The following COL18A1 variants were observed in gnomAD, a reference collection of about 807,000 sequenced individuals.
COL18A1 encodes the protein collagen alpha-1(XVIII) chain.
COL18A1 carries 133 observed loss-of-function variants against 168.0 expected under a neutral mutation model. The ratio of observed to expected loss-of-function variants is 0.79; its 90% confidence interval spans 0.69 to 0.91. The LOEUF (loss-of-function observed/expected upper bound fraction) is 0.91. Ranked by LOEUF, COL18A1 falls within the 40% of genes least tolerant of loss-of-function variation. The probability of loss-of-function intolerance (pLI) is 0.00; values close to 1 mark genes in which losing one functional copy is unlikely to be tolerated. For missense variants in COL18A1, 2,126 were observed against 1,925.4 expected, an observed-to-expected ratio of 1.10 and a Z score of -1.95; for synonymous variants, 949 against 809.0, an observed-to-expected ratio of 1.17 and a Z score of -2.94.
intron 6 of COL18A1, 117 bp downstream of exon 6, chr21:45,476,597 A>G: frequency 7.8e-7 from 1 of 1,282,142 alleles, no homozygotes; most frequent in Non-Finnish European, 1.1e-6. Flanking sequence ...TGTGTGGTGT[A>G]TATGGTACAT....
chr21:45,480,224 C>T, intron 11 of COL18A1, 68 bp downstream of exon 11: 9 of 1,153,138 alleles, frequency 7.8e-6, no homozygotes, highest in African/African-American at 1.5e-5. Context: ...CTGCCTCTGG[C>T]CCAGAAGTAT....
At chr21:45,492,293 A>G (rs1055438474) in intron 22 of COL18A1, among the ~76,000 whole-genome samples, 1 of 152,180 alleles carries the variant, frequency 6.6e-6, no homozygotes, top group Non-Finnish European at 1.5e-5. Flanking sequence ...AGGCAGGAGC[A>G]TTTTAAAACA....
At chr21:45,480,023 G>A in intron 10 of COL18A1, 47 bp from the exon 11 acceptor site, 2 of 1,612,858 alleles carry the variant, frequency 1.2e-6, no homozygotes, top group African/African-American at 2.7e-5. Context: ...TCAAGGTGGG[G>A]GCTGTGTGCG....
At chr21:45,496,996 G>A in intron 30 of COL18A1, 54 bp from the exon 31 acceptor site, 1 of 1,299,214 alleles carries the variant, frequency 7.7e-7, no homozygotes, top group Non-Finnish European at 1.1e-6. Flanking sequence ...GAGTGGTGGT[G>A]GCCTCCATTT....
At chr21:45,494,603 G>A in intron 27 of COL18A1, 32 bp downstream of exon 27, 1 of 1,612,782 alleles carries the variant, frequency 6.2e-7, no homozygotes, top group South Asian at 1.1e-5. Context: ...TCTGCACTGA[G>A]CTCGGGCATG....
In COL18A1 at chr21:45,480,116, C is replaced by T; in HGVS notation, c.1358C>T (p.Pro453Leu). The T allele has an allele frequency of 1.2e-6, 2 of 1,603,932 alleles. No homozygotes were observed. The highest frequency in any genetic ancestry group is 1.7e-6 in the Non-Finnish European group (2 of 1,171,148). ...AGAGGGCCCCCAGGACCCCAAGGGC[C>T]TCCAGGGCCCCCAGGACCCTCCTTC... ...GERGPPGPQG[P>L]PGPPGPSFRH... The change falls in exon 11 of 42, where the codon CCT becomes CTT. Residue 453 changes from proline (P) to leucine (L), a missense_variant. By Grantham distance (98) the Pro-to-Leu change is moderately conservative. Transcript: ENST00000651438.
chr21:45,472,430 C>T (rs982930167), intron 3 of COL18A1, among the ~76,000 whole-genome samples: 1 of 152,172 alleles, frequency 6.6e-6, no homozygotes, highest in African/African-American at 2.4e-5. Flanking sequence ...TCCCCATGGT[C>T]TCAATCTCCT....
At position 45,471,262 on chromosome 21, in the gene COL18A1, G is replaced by C. The variant is rs2035420675; in HGVS notation, c.651+2476G>C. 6.6e-6 allele frequency among the ~76,000 whole-genome samples: 1 copy of C among 152,182 alleles called. No individual in the cohort carries two copies. Among genetic ancestry groups the C allele is most frequent in the African/African-American group, 2.4e-5 (1 of 41,448 alleles). ...GGTCCCTGCAGGCCTCAGGTGTCAG[G>C]AACTTTCTCTTTGGGTCTTAGATGA... On this transcript the variant is annotated intron_variant, in intron 3 of 41. Transcript: ENST00000651438. The surrounding 1 kb of genome is among the most constrained non-coding windows in gnomAD (Gnocchi z 4.4).
At chr21:45,416,497 A>G (rs2033449710) in intron 2 of COL18A1, among the ~76,000 whole-genome samples, 1 of 152,072 alleles carries the variant, frequency 6.6e-6, no homozygotes. Context: ...CCAGGCCCCT[A>G]GGTGTTGAAC....
chr21:45,465,120 C>T (rs2035156731), intron 2 of COL18A1, among the ~76,000 whole-genome samples: 1 of 152,244 alleles, frequency 6.6e-6, no homozygotes, highest in African/African-American at 2.4e-5. Context: ...CTCAGCCCTT[C>T]CTGACTGAAG....
In COL18A1 at chr21:45,491,230, T is replaced by G. The variant is rs1222766577; in HGVS notation, c.2073T>G (p.Asp691Glu). ...GDRGSRGEKG[D>E]PGKDGVGQPG... ...CGCGTGGCCTCCTCTTCCAGGGAGA[T>G]CCAGGGAAGGACGGAGTCGGGCAGC... is the stretch of plus-strand genomic sequence containing the variant. Residue 691 changes from aspartate (D) to glutamate (E), a missense_variant, in exon 22 of 42, where the codon GAT becomes GAG. Asp to Glu is a conservative substitution (Grantham distance 45). Transcript: ENST00000651438. 1 of 1,611,802 alleles carries G rather than the reference T, an allele frequency of 6.2e-7. No homozygotes were observed. The highest frequency in any genetic ancestry group is 8.5e-7 in the Non-Finnish European group (1 of 1,179,306).
chr21:45,495,548 CA>C (rs2036500416), intron 29 of COL18A1, 116 bp downstream of exon 29: 1 of 827,176 alleles, frequency 1.2e-6, no homozygotes, highest in African/African-American at 1.7e-5. Flanking sequence ...GCAGCCCTGC[CA>C]TGTGGCCACA....
intron 41 of COL18A1, 29 bp from the exon 42 acceptor site, chr21:45,512,159 T>G (rs2037649562): frequency 3.1e-6 from 5 of 1,597,798 alleles, no homozygotes; most frequent in Non-Finnish European, 3.4e-6. Flanking sequence ...CAGGTCTGGG[T>G]TTGACTGACG....
intron 25 of COL18A1, 62 bp from the exon 26 acceptor site, chr21:45,493,439 C>A: frequency 6.8e-7 from 1 of 1,467,240 alleles, no homozygotes; most frequent in Non-Finnish European, 9.3e-7. Context: ...CTTCGGGGCT[C>A]TGGGTGAGGC....
intron 32 of COL18A1, chr21:45,502,760 C>G (rs1295690034): frequency 6.6e-6 from 1 of 152,198 alleles, no homozygotes; most frequent in Non-Finnish European, 1.5e-5. Flanking sequence ...AAGTCAGGGC[C>G]AAGACACAGC....
At chr21:45,479,288 C>T (rs565930916) in intron 9 of COL18A1, among the ~76,000 whole-genome samples, 1 of 145,846 alleles carries the variant, frequency 6.9e-6, no homozygotes, top group South Asian at 2.2e-4. Context: ...ACACACATTA[C>T]ACACATGTGT....
Position 45,505,424 on chromosome 21 carries a change from C to A in COL18A1, c.3080C>A (p.Ser1027Tyr). ...PPGPPGTMGASSGVRLWATRQ... is the reference protein window; with the variant it reads ...PPGPPGTMGAYSGVRLWATRQ... ...GGGCCCCCTGGAACCATGGGCGCCT[C>A]CTCAGGGGTAAGTGTCTGGGCAGCC... is the stretch of plus-strand genomic sequence containing the variant. The change falls in exon 36 of 42, where the codon TCC (serine) becomes TAC (tyrosine). Residue 1027 changes from serine (S) to tyrosine (Y), a missense_variant. Transcript: ENST00000651438. The A allele has an allele frequency of 6.5e-7, 1 of 1,547,568 alleles. No individual in the cohort carries two copies. Among genetic ancestry groups the A allele is most frequent in the Non-Finnish European group, 8.8e-7 (1 of 1,130,802 alleles).
chr21:45,455,663 A>T, intron 2 of COL18A1: 1 of 1,613,806 alleles, frequency 6.2e-7, no homozygotes, highest in Non-Finnish European at 8.5e-7. Flanking sequence ...AGCTACCACG[A>T]TCCCTGAGCC....
intron 6 of COL18A1, among the ~76,000 whole-genome samples, chr21:45,476,912 TTA>T (rs1448070239): frequency 1.4e-5 from 2 of 138,042 alleles, no homozygotes; most frequent in African/African-American, 5.8e-5. Flanking sequence ...GTGATGTGTA[TTA>T]TGTGTTTTGT....
Sources: allele counts gnomAD v4.1 joint callset (sites outside exome capture counted in the v4.1 genomes callset), GRCh38; gene constraint gnomAD v4.1.1; non-coding constraint Gnocchi (gnomAD v3.1); transcripts MANE v1.5; gene names NCBI Gene and HGNC (gene_info 2026-07-23, HGNC 2026-07-21).